The following NAA16 variants were observed in gnomAD, a reference collection of about 807,000 sequenced individuals.
The protein encoded by NAA16 is N-alpha-acetyltransferase 16, NatA auxiliary subunit, also known as NARG1-like protein.
In NAA16, 97 loss-of-function variants were observed where a neutral mutation model predicts 110.3. The observed-to-expected ratio is 0.88, with a 90% CI of 0.75 to 1.04. The LOEUF is 1.04. Among genes scored for constraint, NAA16 ranks in the 50% least tolerant of loss-of-function variants. NAA16 has a pLI of 0.00. For missense variants in NAA16, 1,017 were observed against 1,005.1 expected (o/e 1.01, Z -0.16); for synonymous variants, 372 against 330.6 (o/e 1.13, Z -1.36).
Position 41,376,012 on chromosome 13 carries a change from G to C in NAA16, c.*410G>C, listed in dbSNP as rs931444236. ...ACTATATGTTAACAATATGGAGGCT[G>C]GGCGTGGTGGCTCACACCTGTAATC... On this transcript the variant is annotated 3_prime_UTR_variant, in exon 20 of 20. Transcript: ENST00000379406. 1 of 153,724 alleles carries C rather than the reference G, an allele frequency of 6.5e-6. No homozygotes were observed. The highest frequency in any genetic ancestry group is 1.4e-5 in the Non-Finnish European group (1 of 69,226). The allele number at this position is 153,724 out of a possible 1,614,324, so 9.5% of individuals were successfully genotyped here.
chr13:41,313,881 C>G (rs1292163734), intron 1 of NAA16, among the ~76,000 whole-genome samples: 14 of 112,154 alleles, frequency 1.2e-4, no homozygotes, highest in South Asian at 9.3e-4. Flanking sequence ...TTTTTTTTTG[C>G]GAGAGTGTAT....
At chr13:41,339,391 G>A (rs2042471236) in intron 9 of NAA16, among the ~76,000 whole-genome samples, 1 of 152,048 alleles carries the variant, frequency 6.6e-6, no homozygotes, top group Non-Finnish European at 1.5e-5. Context: ...TGCCCACCTC[G>A]GCCTCCCAAA....
chr13:41,323,535 G>C (rs1449328192), intron 5 of NAA16, among the ~76,000 whole-genome samples: 1 of 151,682 alleles, frequency 6.6e-6, no homozygotes, highest in African/African-American at 2.4e-5. Flanking sequence ...TATTTTTTAA[G>C]TAGAGACAGG....
intron 9 of NAA16, among the ~76,000 whole-genome samples, chr13:41,350,022 G>A (rs1057193759): frequency 6.6e-5 from 10 of 150,436 alleles, no homozygotes; most frequent in African/African-American, 1.5e-4. Context: ...GGTGGCTCAC[G>A]TCTTTTATCC....
intron 9 of NAA16, among the ~76,000 whole-genome samples, chr13:41,353,148 CA>C (rs745326915): frequency 1.2e-3 from 119 of 97,950 alleles, no homozygotes; most frequent in Non-Finnish European, 2.1e-3. Context: ...ACATAGGTTT[CA>C]CCCTAGAGAT....
At position 41,373,750 on chromosome 13, in the gene NAA16, A is replaced by C. The variant is rs534317985; in HGVS notation, c.2269A>C (p.Asn757His). 2.5e-6 allele frequency: 4 copies of C among 1,610,238 alleles called. No individual in the cohort carries two copies. In the South Asian group the frequency reaches 4.4e-5, roughly 18 times the overall value. The change falls in exon 18 of 20, where the codon AAC becomes CAC. Residue 757 changes from asparagine (N) to histidine (H), a missense_variant. By Grantham distance (68) the Asn-to-His change is moderately conservative. Transcript: ENST00000379406. Reference sequence around the variant, plus strand: ...TTTTAATGAGGATTTTCTGAAACGTAACGCTACCTCTCTTCAGCATCTACT... The same window carrying C: ...TTTTAATGAGGATTTTCTGAAACGTCACGCTACCTCTCTTCAGCATCTACT... ...ESFNEDFLKR[N>H]ATSLQHLLSG...
chr13:41,360,723 T>A (rs1377818891), intron 12 of NAA16, among the ~76,000 whole-genome samples: 1 of 152,200 alleles, frequency 6.6e-6, no homozygotes, highest in African/African-American at 2.4e-5. Context: ...TGACCCTGAA[T>A]AATCAGGATA....
chr13:41,312,777 A>G (rs1197316594), intron 1 of NAA16, among the ~76,000 whole-genome samples: 4 of 152,154 alleles, frequency 2.6e-5, no homozygotes, highest in Admixed American at 6.5e-5. Context: ...TAGGATACAT[A>G]GTAGATGGGA....
intron 9 of NAA16, among the ~76,000 whole-genome samples, chr13:41,350,628 G>T (rs9315833): frequency 0.83 from 102,639 of 123,930 alleles, 41,030 homozygotes; most frequent in Middle Eastern, 0.88. Flanking sequence ...TTGTTTGTTT[G>T]TTTTTTTTAA....
At chr13:41,324,670 G>C (rs200806068) in intron 5 of NAA16, among the ~76,000 whole-genome samples, 3 of 151,258 alleles carry the variant, frequency 2.0e-5, no homozygotes, top group Non-Finnish European at 4.4e-5. Context: ...CACCGTGCCC[G>C]GCCAATTTCT....
At chr13:41,375,105 G>A (rs1392517727) in intron 19 of NAA16, among the ~76,000 whole-genome samples, 1 of 152,230 alleles carries the variant, frequency 6.6e-6, no homozygotes, top group African/African-American at 2.4e-5. Flanking sequence ...TTAGTGCCTG[G>A]CACGTTGTTA....
intron 13 of NAA16, chr13:41,362,910 C>A: frequency 8.8e-7 from 1 of 1,136,966 alleles, no homozygotes; most frequent in South Asian, 1.9e-5. Context: ...GTCACTTTGG[C>A]CTTTTTCCCA....
chr13:41,343,999 C>CTG (rs1366257832), intron 9 of NAA16, among the ~76,000 whole-genome samples: 2 of 152,204 alleles, frequency 1.3e-5, no homozygotes, highest in Non-Finnish European at 2.9e-5. Context: ...TAAGCTTTTA[C>CTG]TGTGTTGTTA....
chr13:41,323,024 G>A (rs372181655), intron 4 of NAA16, 32 bp from the exon 5 acceptor site: 3 of 1,598,156 alleles, frequency 1.9e-6, no homozygotes, highest in Non-Finnish European at 2.6e-6. Context: ...ATGTTTTAGA[G>A]AATATTTAGC....
intron 9 of NAA16, among the ~76,000 whole-genome samples, chr13:41,342,452 A>C (rs1257832372): frequency 6.6e-6 from 1 of 152,174 alleles, no homozygotes; most frequent in African/African-American, 2.4e-5. Flanking sequence ...CCAAACTTTT[A>C]TTATGAATAA....
chr13:41,313,139 C>T (rs897778541), intron 1 of NAA16, among the ~76,000 whole-genome samples: 1 of 151,936 alleles, frequency 6.6e-6, no homozygotes, highest in African/African-American at 2.4e-5. Flanking sequence ...GGATCAGTGT[C>T]ATAAGGAAAA....
chr13:41,329,573 C>G (rs73457527), intron 7 of NAA16, among the ~76,000 whole-genome samples: 5 of 149,424 alleles, frequency 3.3e-5, no homozygotes, highest in Admixed American at 1.3e-4. Context: ...TACCCACATT[C>G]ATTTATAGTA....
chr13:41,359,549 A>G (rs571470939), intron 12 of NAA16, among the ~76,000 whole-genome samples: 22 of 152,190 alleles, frequency 1.4e-4, no homozygotes, highest in Non-Finnish European at 2.9e-4. Flanking sequence ...CAGATTTCAC[A>G]CATATTTGGA....
rs1566294570 is a variant in NAA16, at chr13:41,362,155, AAAG to A, written c.1536_1538del (p.Arg513del). 6.2e-7 allele frequency: 1 copy of A among 1,601,606 alleles called. No homozygotes were observed. Among genetic ancestry groups the A allele is most frequent in the South Asian group, 1.1e-5 (1 of 88,366 alleles). ...GCCTTGAAAAAATGTCATGAAGTAG[AAAG>A]GGTAAGTTGTTAGAATTTCGACTTC... On this transcript the variant is annotated inframe_deletion and splice_region_variant, in exon 13 of 20. Coordinates refer to ENST00000379406, the MANE Select transcript of NAA16 (RefSeq NM_024561.5).
Sources: allele counts gnomAD v4.1 joint callset (sites outside exome capture counted in the v4.1 genomes callset), GRCh38; gene constraint gnomAD v4.1.1; transcripts MANE v1.5; gene names NCBI Gene and HGNC (gene_info 2026-07-23, HGNC 2026-07-21).